GLI3: variants seen among roughly 807,000 people sequenced by gnomAD.
GLI3 encodes GLI family zinc finger 3, also known as transcription activator GLI3.
In GLI3, 20 loss-of-function variants were observed where a neutral mutation model predicts 100.8. That is an observed-to-expected ratio of 0.20 (90% confidence interval 0.14 to 0.29). GLI3 has a LOEUF of 0.29. GLI3 is among the 10% of genes least tolerant of loss of function. The pLI is 1.00. For missense variants in GLI3, 2,040 were observed against 2,128.5 expected, an observed-to-expected ratio of 0.96 and a Z score of 0.82; for synonymous variants, 938 against 860.5, an observed-to-expected ratio of 1.09 and a Z score of -1.58.
At chr7:42,076,669 A>T in intron 4 of GLI3, 83 bp downstream of exon 4, 1 of 845,810 alleles carries the variant, frequency 1.2e-6, no homozygotes, top group Non-Finnish European at 2.1e-6. Flanking sequence ...AGCCCAGTGG[A>T]CATGCCATTA....
At chr7:42,176,028 T>C (rs1160814912) in intron 2 of GLI3, among the ~76,000 whole-genome samples, 1 of 152,086 alleles carries the variant, frequency 6.6e-6, no homozygotes, top group South Asian at 2.1e-4. Context: ...ACCCTCCTAC[T>C]GGCACCAAGT....
intron 2 of GLI3, among the ~76,000 whole-genome samples, chr7:42,220,248 C>T (rs1377459562): frequency 6.6e-6 from 1 of 152,188 alleles, no homozygotes; most frequent in Non-Finnish European, 1.5e-5. Context: ...CAGTAGCAAT[C>T]AAACTACCTG....
intron 3 of GLI3, among the ~76,000 whole-genome samples, chr7:42,137,397 C>G (rs1327378199): frequency 6.6e-6 from 1 of 152,144 alleles, no homozygotes; most frequent in Non-Finnish European, 1.5e-5. Context: ...AATCTCATCT[C>G]CCCCTACTGT....
intron 1 of GLI3, among the ~76,000 whole-genome samples, chr7:42,260,755 A>G (rs908969356): frequency 6.6e-6 from 1 of 152,242 alleles, no homozygotes; most frequent in African/African-American, 2.4e-5. Flanking sequence ...AATGAAGTGA[A>G]CATGGCAACA....
At chr7:42,041,686 T>C (rs1784141526) in intron 6 of GLI3, among the ~76,000 whole-genome samples, 1 of 152,214 alleles carries the variant, frequency 6.6e-6, no homozygotes, top group Non-Finnish European at 1.5e-5. Flanking sequence ...AGAAAATTCT[T>C]TGGGAATATT....
At chr7:42,179,286 T>C (rs1239253448) in intron 2 of GLI3, among the ~76,000 whole-genome samples, 1 of 152,130 alleles carries the variant, frequency 6.6e-6, no homozygotes, top group African/African-American at 2.4e-5. Context: ...TAAACTTCTT[T>C]CTTTTGTAAA....
chr7:42,141,065 T>C (rs1468324249), intron 3 of GLI3, among the ~76,000 whole-genome samples: 1 of 152,232 alleles, frequency 6.6e-6, no homozygotes, highest in Non-Finnish European at 1.5e-5. Context: ...ACTGGATTCA[T>C]GATCCTGAAC....
chr7:42,223,337 A>G (rs1051640486), intron 1 of GLI3, 42 bp from the exon 2 acceptor site: 18 of 313,282 alleles, frequency 5.7e-5, no homozygotes, highest in African/African-American at 1.2e-4. Flanking sequence ...AAAATGGTGG[A>G]AAAAAAAAAA....
intron 2 of GLI3, among the ~76,000 whole-genome samples, chr7:42,216,196 GTGT>G (rs1229633161): frequency 1.3e-5 from 2 of 152,162 alleles, no homozygotes; most frequent in African/African-American, 2.4e-5. Context: ...CTGTCTCAAA[GTGT>G]TGTAATTTGC....
chr7:42,110,669 C>T (rs1056493106), intron 3 of GLI3, among the ~76,000 whole-genome samples: 3 of 152,164 alleles, frequency 2.0e-5, no homozygotes, highest in Non-Finnish European at 2.9e-5. Context: ...TTATCTTAAG[C>T]TGTTTTTAAG....
At chr7:42,200,929 T>C (rs934155303) in intron 2 of GLI3, among the ~76,000 whole-genome samples, 1 of 152,224 alleles carries the variant, frequency 6.6e-6, no homozygotes, top group Non-Finnish European at 1.5e-5. Context: ...GGACACACTC[T>C]AGGACTTAAA....
chr7:42,146,244 G>A (rs1786706386), intron 3 of GLI3, among the ~76,000 whole-genome samples: 1 of 152,142 alleles, frequency 6.6e-6, no homozygotes, highest in South Asian at 2.1e-4. Context: ...CCTCAAAACA[G>A]AGTGATGATG....
intron 10 of GLI3, among the ~76,000 whole-genome samples, chr7:42,012,616 C>T (rs925841757): frequency 6.6e-5 from 10 of 152,136 alleles, no homozygotes; most frequent in East Asian, 3.9e-4. Context: ...TCTGTAATTC[C>T]GTAAAGGCTT....
At chr7:42,032,907 A>C (rs1421728916) in intron 7 of GLI3, among the ~76,000 whole-genome samples, 1 of 152,178 alleles carries the variant, frequency 6.6e-6, no homozygotes, top group Non-Finnish European at 1.5e-5. Context: ...CTTCCCTAAC[A>C]TAACAGCTTT....
intron 1 of GLI3, among the ~76,000 whole-genome samples, chr7:42,231,508 A>G (rs1171924315): frequency 6.6e-6 from 1 of 152,148 alleles, no homozygotes; most frequent in Non-Finnish European, 1.5e-5. Context: ...ACCAAACTAC[A>G]CACCCTCTCA....
intron 4 of GLI3, among the ~76,000 whole-genome samples, chr7:42,065,575 T>C (rs1053046875): frequency 1.3e-5 from 2 of 152,286 alleles, no homozygotes; most frequent in African/African-American, 4.8e-5. Context: ...CTTCAAAAAA[T>C]AGCATATGTA....
chr7:41,994,833 CAA>C (rs1788080772), intron 10 of GLI3, among the ~76,000 whole-genome samples: 2 of 152,130 alleles, frequency 1.3e-5, no homozygotes, highest in Non-Finnish European at 2.9e-5. Context: ...CATAATCATT[CAA>C]GTCTTTAAAA....
intron 2 of GLI3, among the ~76,000 whole-genome samples, chr7:42,210,724 T>C (rs1198409999): frequency 3.3e-5 from 5 of 152,148 alleles, no homozygotes; most frequent in Non-Finnish European, 5.9e-5. Flanking sequence ...TTGCAAATTA[T>C]CTTATCTCTC....
At chr7:41,974,514 A>C (rs947247332) in intron 12 of GLI3, among the ~76,000 whole-genome samples, 3 of 152,264 alleles carry the variant, frequency 2.0e-5, no homozygotes, top group Non-Finnish European at 4.4e-5. Flanking sequence ...CTGCAAGCAC[A>C]AAGTTGCATA....
Sources: allele counts gnomAD v4.1 joint callset (sites outside exome capture counted in the v4.1 genomes callset), GRCh38; gene constraint gnomAD v4.1.1; transcripts MANE v1.5; gene names NCBI Gene and HGNC (gene_info 2026-07-23, HGNC 2026-07-21).